The following PHEX variants were observed in gnomAD, a reference collection of about 807,000 sequenced individuals.
PHEX encodes phosphate regulating endopeptidase X-linked.
In PHEX, 16 loss-of-function variants were observed where a neutral mutation model predicts 68.0. The ratio of observed to expected loss-of-function variants is 0.24; its 90% confidence interval spans 0.16 to 0.36. The LOEUF (loss-of-function observed/expected upper bound fraction) is 0.36. PHEX is among the 10% of genes least tolerant of loss of function. PHEX has a pLI of 1.00. For missense variants in PHEX, 480 were observed against 575.5 expected, an observed-to-expected ratio of 0.83 and a Z score of 1.70; for synonymous variants, 208 against 205.1, an observed-to-expected ratio of 1.01 and a Z score of -0.12.
chrX:22,167,563 T>C (rs949455766), intron 12 of PHEX, among the ~76,000 whole-genome samples: 3 of 105,231 alleles, frequency 2.9e-5, no homozygotes, highest in Admixed American at 2.1e-4. Context: ...GTGATCATAG[T>C]TCACTGCAGC....
chrX:22,136,410 G>T (rs747502955), intron 12 of PHEX, among the ~76,000 whole-genome samples: 6 of 111,767 alleles, frequency 5.4e-5, no homozygotes, highest in South Asian at 3.7e-4. Context: ...GTATGACTTG[G>T]CACTGTTCTT....
chrX:22,206,801 T>G (rs1934726328), intron 15 of PHEX, among the ~76,000 whole-genome samples: 1 of 111,517 alleles, frequency 9.0e-6, no homozygotes, highest in African/African-American at 3.3e-5. Flanking sequence ...TTTCTTGAGG[T>G]CTGAGCTGTG....
rs945152379 is a variant in PHEX, at chrX:22,219,162, GTTAA to G, written c.1768+62_1768+65del. The G allele has an allele frequency of 4.6e-5, 34 of 743,613 alleles. No homozygotes were observed. The African/African-American group carries it at 6.2e-4, about 13-fold the overall frequency. 61.3% of individuals were successfully genotyped at this position (743,613 alleles called of 1,213,427 possible). On this transcript the variant is annotated intron_variant, in intron 17 of 21. Coordinates refer to ENST00000379374, the MANE Select transcript of PHEX (RefSeq NM_000444.6). ...TTATAATAATGTTGACTATATGGATGTTAATTGTTATGATTATCTTTGCATAGCA... is the reference window on the plus strand; with the variant it reads ...TTATAATAATGTTGACTATATGGATGTTGTTATGATTATCTTTGCATAGCA...
At chrX:22,214,750 G>C (rs1935030894) in intron 16 of PHEX, among the ~76,000 whole-genome samples, 2 of 111,842 alleles carry the variant, frequency 1.8e-5, no homozygotes, top group African/African-American at 6.5e-5. Context: ...TCAGATTGGT[G>C]TGCTCAAAAA....
intron 16 of PHEX, among the ~76,000 whole-genome samples, chrX:22,215,875 C>T (rs143722171): frequency 2.7e-5 from 3 of 111,264 alleles, no homozygotes; most frequent in African/African-American, 9.8e-5. Context: ...TGAAGTGGAA[C>T]CTCATAACTG....
rs1313058563 is a variant in PHEX, at chrX:22,104,574, T to C, written c.1079+5423T>C. Among the ~76,000 whole-genome samples the C allele has an allele frequency of 4.5e-5, 5 of 111,957 alleles. No individual in the cohort carries two copies. In the East Asian group the frequency reaches 1.4e-3, roughly 31 times the overall value. On this transcript the variant is annotated intron_variant, in intron 9 of 21. Transcript: ENST00000379374. ...ATGGGGGATTTTGACACCATGGAAA[T>C]TGGCAAATGTAACAAATCATTTTTC... is the stretch of plus-strand genomic sequence containing the variant.
rs186344220 is a variant in PHEX at position 22,147,548 on chromosome X, A to G, written c.1404+13924A>G. Among the ~76,000 whole-genome samples the G allele has an allele frequency of 9.1e-5, 10 of 109,980 alleles. No homozygotes were observed. The East Asian group carries it at 2.6e-3, about 28-fold the overall frequency. ...AAATTGTATTTAACCCAGTGTTCTGAGTTGTCATTTTTGAGACCCTAGCAT... is the reference window on the plus strand; with the variant it reads ...AAATTGTATTTAACCCAGTGTTCTGGGTTGTCATTTTTGAGACCCTAGCAT... On this transcript the variant is annotated intron_variant, in intron 12 of 21. Coordinates refer to ENST00000379374, the MANE Select transcript of PHEX (RefSeq NM_000444.6).
chrX:22,063,378 T>G (rs1030101636), intron 3 of PHEX, among the ~76,000 whole-genome samples: 21 of 112,561 alleles, frequency 1.9e-4, no homozygotes, highest in African/African-American at 6.5e-4. Context: ...GAAAGTAAAT[T>G]CAGACATAAA....
chrX:22,141,444 A>G (rs767693206), intron 12 of PHEX, among the ~76,000 whole-genome samples: 14 of 111,832 alleles, frequency 1.3e-4, no homozygotes, highest in East Asian at 2.8e-4. Context: ...CATTATGGCT[A>G]TCTTTTCCCC....
chrX:22,058,123 G>T (rs1437439042), intron 3 of PHEX, among the ~76,000 whole-genome samples: 1 of 111,104 alleles, frequency 9.0e-6, no homozygotes, highest in Admixed American at 9.6e-5. Context: ...CTGTTGGTGG[G>T]ATCTGATGCA....
At chrX:22,126,802 C>T (rs1051572991) in intron 11 of PHEX, among the ~76,000 whole-genome samples, 1 of 108,708 alleles carries the variant, frequency 9.2e-6, no homozygotes, top group South Asian at 4.0e-4. Context: ...CTAAGAACTG[C>T]CCATAGATCA....
At chrX:22,049,026 T>C (rs1340982692) in intron 3 of PHEX, among the ~76,000 whole-genome samples, 1 of 112,406 alleles carries the variant, frequency 8.9e-6, no homozygotes, top group Non-Finnish European at 1.9e-5. Flanking sequence ...ATTTTTAAAA[T>C]TAGTTGGTAT....
chrX:22,066,247 T>A (rs866212521), intron 3 of PHEX, among the ~76,000 whole-genome samples: 1 of 111,367 alleles, frequency 9.0e-6, no homozygotes, highest in East Asian at 2.8e-4. Context: ...TTGGAGGAGG[T>A]AGCTGACAAA....
At chrX:22,060,726 A>G (rs367995791) in intron 3 of PHEX, among the ~76,000 whole-genome samples, 4 of 111,681 alleles carry the variant, frequency 3.6e-5, no homozygotes, top group Non-Finnish European at 7.5e-5. Context: ...ATTGTGGGCT[A>G]AATTTAGGTT....
chrX:22,224,986 T>TGTATGAGTTATTATCATACAGCG (rs1260080448), intron 18 of PHEX, among the ~76,000 whole-genome samples: 2 of 43,517 alleles, frequency 4.6e-5, no homozygotes, highest in Non-Finnish European at 9.1e-5. Context: ...ATCATACAGC[T>TGTATGAGTTATTATCATACAGCG]CTGTATGTCA....
intron 3 of PHEX, among the ~76,000 whole-genome samples, chrX:22,057,265 A>C (rs1313012601): frequency 1.8e-5 from 2 of 111,951 alleles, no homozygotes; most frequent in South Asian, 3.7e-4. Flanking sequence ...GAATAACTCA[A>C]ATGGATTTCA....
At chrX:22,134,856 A>T (rs1273851954) in intron 12 of PHEX, among the ~76,000 whole-genome samples, 1 of 111,731 alleles carries the variant, frequency 9.0e-6, no homozygotes, top group Non-Finnish European at 1.9e-5. Flanking sequence ...CTGTCACTTT[A>T]GCCAGTCTCC....
chrX:22,153,690 G>A (rs1932894908), intron 12 of PHEX, among the ~76,000 whole-genome samples: 2 of 111,578 alleles, frequency 1.8e-5, no homozygotes, highest in Admixed American at 1.9e-4. Flanking sequence ...CTACCAGATG[G>A]CATTCGAATC....
chrX:22,034,736 G>T (rs1276621053), intron 1 of PHEX, among the ~76,000 whole-genome samples: 1 of 111,844 alleles, frequency 8.9e-6, no homozygotes, highest in East Asian at 2.8e-4. Context: ...AGCAGCATTA[G>T]CATCACTGGG....
Sources: gnomAD v4.1 joint callset for allele counts (sites outside exome capture counted in the v4.1 genomes callset) on GRCh38, gnomAD v4.1.1 for gene constraint, MANE v1.5 for transcripts, NCBI Gene and HGNC (gene_info 2026-07-23, HGNC 2026-07-21) for gene names.